ALS2CL: variants seen among roughly 807,000 people sequenced by gnomAD.
The protein encoded by ALS2CL is ALS2 C-terminal-like protein.
A neutral mutation model predicts 127.9 loss-of-function variants in ALS2CL; 112 were observed. The ratio of observed to expected loss-of-function variants is 0.88; its 90% CI spans 0.75 to 1.02. ALS2CL has a LOEUF of 1.02. Among genes scored for constraint, ALS2CL ranks in the 50% least tolerant of loss-of-function variants. The pLI, the probability that ALS2CL is intolerant of heterozygous loss-of-function variation, is 0.00. For missense variants in ALS2CL, 1,174 were observed against 1,236.7 expected (o/e 0.95, Z 0.76); for synonymous variants, 519 against 527.6 (o/e 0.98, Z 0.22).
At position 46,681,833 on chromosome 3, in the gene ALS2CL, C is replaced by T. The variant is rs1328705429; in HGVS notation, c.1175+196G>A. 2.0e-5 allele frequency among the ~76,000 whole-genome samples: 3 copies of T among 152,266 alleles called. No individual in the cohort carries two copies. The highest frequency in any genetic ancestry group is 3.9e-4 in the East Asian group (2 of 5,162). On this transcript the variant is annotated intron_variant, in intron 11 of 25. Coordinates refer to ENST00000318962, the MANE Select transcript of ALS2CL (RefSeq NM_147129.5). This position sits in a 1 kb window ranked among gnomAD's most constrained non-coding sequence, Gnocchi z 4.9. ...GCCTGTACCACTCCCTCTGTGACCT[C>T]GAGCTGAGACGGGCCCCCTATTCAG...
intron 20 of ALS2CL, 178 bp from the exon 21 acceptor site, chr3:46,674,917 C>A: frequency 1.8e-6 from 1 of 553,630 alleles, no homozygotes; most frequent in Non-Finnish European, 3.0e-6. Flanking sequence ...CAATTCAATT[C>A]ATAACTTCAT....
intron 1 of ALS2CL, among the ~76,000 whole-genome samples, chr3:46,690,438 T>G (rs1269563101): frequency 6.6e-6 from 1 of 151,072 alleles, no homozygotes; most frequent in Non-Finnish European, 1.5e-5. Context: ...TGCCCTGGAG[T>G]GAGGGACCTT....
At chr3:46,685,250 G>A (rs1404088895) in intron 7 of ALS2CL, among the ~76,000 whole-genome samples, 2 of 152,182 alleles carry the variant, frequency 1.3e-5, no homozygotes, top group African/African-American at 2.4e-5. Context: ...CCACATTCCC[G>A]ATGGGAAAAC....
chr3:46,671,841 G>C (rs370504160), intron 24 of ALS2CL, 43 bp downstream of exon 24: 2 of 1,608,510 alleles, frequency 1.2e-6, no homozygotes, highest in African/African-American at 2.7e-5. Flanking sequence ...TTGGGGGTGG[G>C]ACCCTGCCCC....
Position 46,679,283 on chromosome 3 carries a change from G to A in ALS2CL, c.1553C>T (p.Pro518Leu), listed in dbSNP as rs201621733. 73 of 1,585,856 alleles carry A rather than the reference G, an allele frequency of 4.6e-5. No homozygotes were observed. Among genetic ancestry groups the A allele is most frequent in the Middle Eastern group, 1.7e-4 (1 of 5,940 alleles). Residue 518 changes from proline (P) to leucine (L), a missense_variant, in exon 15 of 26, where the codon CCG becomes CTG. Pro to Leu is a moderately conservative substitution (Grantham distance 98, BLOSUM62 -3). Transcript: ENST00000318962. ...GTCGTCTTCAGAGAGGAGGATGCCC[G>A]GGCCCTTGGGGAGAGGAAGCCAGGG... The part of the protein sequence containing the change: ...GTFQADKTVG[P>L]GILLSEDDSL...
chr3:46,678,772 T>C (rs1270543621), intron 15 of ALS2CL, among the ~76,000 whole-genome samples: 1 of 152,172 alleles, frequency 6.6e-6, no homozygotes, highest in African/African-American at 2.4e-5. Context: ...AGCAACCTGA[T>C]CTCCACCCCT....
In ALS2CL at chr3:46,674,833, A is replaced by C. The variant is rs1195201428; in HGVS notation, c.2256-94T>G. On this transcript the variant is annotated intron_variant, in intron 20 of 25. Coordinates refer to ENST00000318962, the MANE Select transcript of ALS2CL (RefSeq NM_147129.5). The stretch of plus-strand genomic sequence containing the variant: ...CTCAAAGAGCTCCTAGTTCCACAAC[A>C]AACAGTGTCCTGGCCTCCAGCCTCC... 3.3e-5 allele frequency: 42 copies of C among 1,288,824 alleles called. No homozygotes were observed. In the South Asian group the frequency reaches 5.1e-4, roughly 16 times the overall value. 79.8% of individuals were successfully genotyped at this position (1,288,824 alleles called of 1,614,324 possible).
In ALS2CL at chr3:46,683,706, G is replaced by A. The variant is rs535436866; in HGVS notation, c.912+76C>T. On this transcript the variant is annotated intron_variant, in intron 9 of 25. Transcript: ENST00000318962. ...GCCGGCACTCCTGTGGGGCCCTGCA[G>A]GGTTGCATACTTCTGCCCTCTTCCT... 4 of 1,551,620 alleles carry A rather than the reference G, an allele frequency of 2.6e-6. No homozygotes were observed. The South Asian group carries it at 3.4e-5, about 13-fold the overall frequency.
At chr3:46,685,452 T>C (rs1003910236) in intron 7 of ALS2CL, 73 bp downstream of exon 7, 34 of 1,581,420 alleles carry the variant, frequency 2.1e-5, no homozygotes, top group Non-Finnish European at 2.8e-5. Context: ...GCATGCCCCT[T>C]TACTGCTCCT....
At position 46,687,602 on chromosome 3, in the gene ALS2CL, A is replaced by C; in HGVS notation, c.368+17T>G. On this transcript the variant is annotated intron_variant, in intron 4 of 25. Transcript: ENST00000318962. ...CTCCCACCCTGTCAGGGGCCAGTGC[A>C]CCAGCCCTGTGCTCACCTTCTCCTC... is the stretch of plus-strand genomic sequence containing the variant. The C allele has an allele frequency of 6.2e-7, 1 of 1,611,924 alleles. No homozygotes were observed. Among genetic ancestry groups the C allele is most frequent in the South Asian group, 1.1e-5 (1 of 90,528 alleles).
At chr3:46,684,199 G>T in intron 7 of ALS2CL, 152 bp from the exon 8 acceptor site, 1 of 910,044 alleles carries the variant, frequency 1.1e-6, no homozygotes, top group Non-Finnish European at 1.7e-6. Context: ...CCTCTGGCTT[G>T]CTCCCCACCT....
Position 46,670,104 on chromosome 3 carries a change from C to A in ALS2CL, c.*880G>T, listed in dbSNP as rs555423173. ...GGCAGAGGGAGACCGTGCACGTCACCCGGCACAATGTGACGGAAGATAAAC... is the reference window on the plus strand; with the variant it reads ...GGCAGAGGGAGACCGTGCACGTCACACGGCACAATGTGACGGAAGATAAAC... On this transcript the variant is annotated 3_prime_UTR_variant, in exon 26 of 26. Coordinates refer to ENST00000318962, the MANE Select transcript of ALS2CL (RefSeq NM_147129.5). This position sits in a 1 kb window ranked among gnomAD's most constrained non-coding sequence, Gnocchi z 5.5. The A allele has an allele frequency of 6.6e-6, 1 of 152,356 alleles. No individual in the cohort carries two copies. The highest frequency in any genetic ancestry group is 1.5e-5 in the Non-Finnish European group (1 of 68,058). 9.4% of individuals were successfully genotyped at this position (152,356 alleles called of 1,614,324 possible).
At chr3:46,679,910 G>A (rs561729306) in intron 14 of ALS2CL, 9 of 158,634 alleles carry the variant, frequency 5.7e-5, no homozygotes, top group Non-Finnish European at 1.1e-4. Context: ...TCCCAGGCTC[G>A]GCGGCCAGGC....
At position 46,671,911 on chromosome 3, in the gene ALS2CL, A is replaced by C; in HGVS notation, c.2657T>G (p.Leu886Arg). 1 of 1,613,860 alleles carries C rather than the reference A, an allele frequency of 6.2e-7. No individual in the cohort carries two copies. The highest frequency in any genetic ancestry group is 8.5e-7 in the Non-Finnish European group (1 of 1,179,964). ...GGCGCGCGACACCACGTAGATGAGA[A>C]GTGGCAGCAGGTCGTCCATGGGCAG... ...YKLPMDDLLP[L>R]LIYVVSRARI... The change falls in exon 24 of 26, where the codon CTT (leucine) becomes CGT (arginine). Residue 886 changes from leucine to arginine, a missense_variant. Physicochemically the swap from Leu to Arg is moderately radical, Grantham distance 102 (BLOSUM62 -2). Coordinates refer to ENST00000318962, the MANE Select transcript of ALS2CL (RefSeq NM_147129.5).
chr3:46,671,089 G>A, intron 25 of ALS2CL, 25 bp from the exon 26 acceptor site: 1 of 1,609,570 alleles, frequency 6.2e-7, no homozygotes. Context: ...GCAAGGCTGA[G>A]GCCAGTTGAC....
intron 1 of ALS2CL, among the ~76,000 whole-genome samples, chr3:46,691,275 T>G (rs1700135492): frequency 6.6e-6 from 1 of 152,152 alleles, no homozygotes; most frequent in Non-Finnish European, 1.5e-5. Context: ...AGCTGGGGTC[T>G]AAGCTAAGAG....
chr3:46,686,992 G>T lies in ALS2CL; in HGVS notation c.525C>A (p.Thr175=). ...TGCCCCTGGTACCCACCTCCCCAATGGTGTCCCCGAGGCTCAGCAGGAGGA... is the reference window on the plus strand; with the variant it reads ...TGCCCCTGGTACCCACCTCCCCAATTGTGTCCCCGAGGCTCAGCAGGAGGA... ...YVLLLLSLGD[T]IGEHHPTREL... The change falls in exon 5 of 26, where the codon ACC becomes ACA. Residue 175 remains threonine, a synonymous_variant. Transcript: ENST00000318962. The surrounding 1 kb of genome is among the most constrained non-coding windows in gnomAD (Gnocchi z 4.3). The T allele has an allele frequency of 6.3e-7, 1 of 1,596,050 alleles. No individual in the cohort carries two copies. Among genetic ancestry groups the T allele is most frequent in the Non-Finnish European group, 8.5e-7 (1 of 1,175,350 alleles).
At chr3:46,683,371 G>T in intron 9 of ALS2CL, 45 bp from the exon 10 acceptor site, 1 of 1,542,454 alleles carries the variant, frequency 6.5e-7, no homozygotes, top group Non-Finnish European at 8.8e-7. Flanking sequence ...TGCTGCTGGA[G>T]GCTTTCCCTC....
intron 21 of ALS2CL, among the ~76,000 whole-genome samples, chr3:46,674,283 C>T (rs1300960303): frequency 6.6e-6 from 1 of 152,214 alleles, no homozygotes; most frequent in Non-Finnish European, 1.5e-5. Flanking sequence ...ATGCCAGCTC[C>T]TGTGGGGACT....
Sources: allele counts gnomAD v4.1 joint callset (sites outside exome capture counted in the v4.1 genomes callset), GRCh38; gene constraint gnomAD v4.1.1; non-coding constraint Gnocchi (gnomAD v3.1); transcripts MANE v1.5; gene names NCBI Gene and HGNC (gene_info 2026-07-23, HGNC 2026-07-21).